MACF1: variants seen among roughly 807,000 people sequenced by gnomAD.
MACF1 encodes the protein microtubule-actin cross-linking factor 1.
MACF1 carries 193 observed loss-of-function variants against 854.8 expected under a neutral mutation model. The observed-to-expected ratio is 0.23, with a 90% CI of 0.20 to 0.25. MACF1 has a LOEUF of 0.25. MACF1 is among the 10% of genes least tolerant of loss of function. The probability of loss-of-function intolerance (pLI) is 1.00; values close to 1 mark genes in which losing one functional copy is unlikely to be tolerated. For missense variants in MACF1, 7,722 were observed against 8,929.1 expected (o/e 0.86, Z 5.45); for synonymous variants, 3,185 against 3,226.7 (o/e 0.99, Z 0.44).
At chr1:39,470,805 A>G (rs989334884) in intron 97 of MACF1, among the ~76,000 whole-genome samples, 1 of 152,136 alleles carries the variant, frequency 6.6e-6, no homozygotes, top group African/African-American at 2.4e-5. Flanking sequence ...ATAAGGTCCT[A>G]TTTTTCCTGT....
Position 39,378,547 on chromosome 1 carries a change from C to T in MACF1, c.13276+24C>T, listed in dbSNP as rs551123574. ...AGGTGAGAATGCCATTTCAACAGTG[C>T]TTCTTTGTTGGATGTGTTAGGACAG... On this transcript the variant is annotated intron_variant, in intron 53 of 100. Transcript: ENST00000564288. 1.9e-6 allele frequency: 3 copies of T among 1,608,096 alleles called. No homozygotes were observed. In the African/African-American group the frequency reaches 4.0e-5, roughly 21 times the overall value.
At chr1:39,106,209 T>G (rs7535282) in intron 2 of MACF1, among the ~76,000 whole-genome samples, 18,482 of 152,012 alleles carry the variant, frequency 0.12, 1,412 homozygotes, top group African/African-American at 0.21. Flanking sequence ...CACCTTGGTG[T>G]CTTCGGGGTG....
intron 2 of MACF1, among the ~76,000 whole-genome samples, chr1:39,090,448 C>T (rs983909254): frequency 3.3e-5 from 5 of 152,330 alleles, no homozygotes; most frequent in Non-Finnish European, 4.4e-5. Flanking sequence ...AACATGACCA[C>T]GTGGGCAGAA....
chr1:39,482,126 AT>A (rs1376304511), intron 99 of MACF1, among the ~76,000 whole-genome samples: 2 of 151,886 alleles, frequency 1.3e-5, no homozygotes, highest in Non-Finnish European at 2.9e-5. Context: ...TTAAGGTTTT[AT>A]TTTCTGTTTC....
intron 31 of MACF1, among the ~76,000 whole-genome samples, chr1:39,322,028 G>A (rs1018538308): frequency 1.3e-5 from 2 of 152,204 alleles, no homozygotes; most frequent in African/African-American, 4.8e-5. Context: ...AGCAGAACTT[G>A]CAGGGTTGCA....
At chr1:39,150,305 C>T (rs1332518506) in intron 2 of MACF1, among the ~76,000 whole-genome samples, 1 of 152,172 alleles carries the variant, frequency 6.6e-6, no homozygotes, top group African/African-American at 2.4e-5. Flanking sequence ...AGGTGTGAGC[C>T]ACCGTGCCTG....
At chr1:39,422,286 T>A in intron 58 of MACF1, 88 bp from the exon 59 acceptor site, 1 of 1,028,248 alleles carries the variant, frequency 9.7e-7, no homozygotes, top group South Asian at 1.8e-5. Context: ...CATTAAGTCA[T>A]AAATGCCCCA....
chr1:39,307,829 TC>T (rs1305541658), intron 23 of MACF1, among the ~76,000 whole-genome samples: 1 of 151,330 alleles, frequency 6.6e-6, no homozygotes, highest in Non-Finnish European at 1.5e-5. Context: ...GCCTTAGCCT[TC>T]CAAAGTGCTG....
intron 23 of MACF1, among the ~76,000 whole-genome samples, chr1:39,306,031 G>A (rs990926763): frequency 1.3e-5 from 2 of 152,060 alleles, no homozygotes; most frequent in East Asian, 3.9e-4. Context: ...GTTTACCTCT[G>A]TATCTTTAGC....
chr1:39,461,448 T>C (rs894801720), intron 92 of MACF1, among the ~76,000 whole-genome samples: 1 of 152,178 alleles, frequency 6.6e-6, no homozygotes, highest in Non-Finnish European at 1.5e-5. Context: ...TAAGTGGATA[T>C]GTATTATTTT....
chr1:39,359,164 G>T lies in MACF1; in HGVS notation c.12144G>T (p.Glu4048Asp). 3 of 1,614,030 alleles carry T rather than the reference G, an allele frequency of 1.9e-6. No individual in the cohort carries two copies. Among genetic ancestry groups the T allele is most frequent in the Non-Finnish European group, 2.5e-6 (3 of 1,180,020 alleles). Reference protein sequence around the residue: ...TTKQLQEELAEHQVPVEKLQK... With the variant: ...TTKQLQEELADHQVPVEKLQK... ...AGCAGTTGCAGGAGGAATTGGCTGA[G>T]CACCAAGTACCTGTGGAAAAACTCC... Residue 4048 changes from glutamate to aspartate, a missense_variant, in exon 47 of 101, where the codon GAG (glutamate) becomes GAT (aspartate). Glu to Asp is a conservative substitution (Grantham distance 45). This residue lies in a region of MACF1 where 2,807 missense variants were observed against 3,235.8 expected (regional missense o/e 0.87). Coordinates refer to ENST00000564288, the MANE Select transcript of MACF1 (RefSeq NM_001394062.1).
chr1:39,244,638 C>T (rs11806093), intron 2 of MACF1, among the ~76,000 whole-genome samples: 8,326 of 150,728 alleles, frequency 0.055, 296 homozygotes, highest in African/African-American at 0.097. Flanking sequence ...AGTGCAGTGG[C>T]GCCATCTTGG....
chr1:39,106,862 A>G (rs1013952001), intron 2 of MACF1, among the ~76,000 whole-genome samples: 4 of 147,454 alleles, frequency 2.7e-5, no homozygotes, highest in African/African-American at 1.0e-4. Context: ...GCAGGAAAAA[A>G]GTAGAGATGA....
At chr1:39,310,699 A>G (rs1352492015) in intron 25 of MACF1, 132 bp from the exon 26 acceptor site, 2 of 917,010 alleles carry the variant, frequency 2.2e-6, no homozygotes, top group South Asian at 3.5e-5. Context: ...AGTATACAGT[A>G]TGTGAAATTT....
At chr1:39,348,141 G>A (rs746990473) in intron 41 of MACF1, among the ~76,000 whole-genome samples, 12 of 152,140 alleles carry the variant, frequency 7.9e-5, no homozygotes, top group Non-Finnish European at 1.3e-4. Context: ...GGTGCCATAT[G>A]TCCTGTATTA....
intron 58 of MACF1, among the ~76,000 whole-genome samples, chr1:39,403,351 G>T (rs968007728): frequency 1.3e-5 from 2 of 152,018 alleles, no homozygotes; most frequent in African/African-American, 4.8e-5. Flanking sequence ...TGCCTGTCTC[G>T]GCCTCCCAAA....
chr1:39,310,242 T>C lies in MACF1; in HGVS notation c.2917-3T>C, dbSNP rs781652856. The C allele has an allele frequency of 2.5e-6, 4 of 1,600,338 alleles. No individual in the cohort carries two copies. The African/African-American group carries it at 5.4e-5, about 22-fold the overall frequency. On this transcript the variant is annotated splice_region_variant and splice_polypyrimidine_tract_variant and intron_variant, in intron 24 of 100. Transcript: ENST00000564288. The stretch of plus-strand genomic sequence containing the variant: ...GCAATTTCTTCTGGCTTTTTCTTTC[T>C]AGCTTCGATCCTCAGCACCAGGGGA...
chr1:39,477,700 G>A (rs953725186), intron 97 of MACF1, among the ~76,000 whole-genome samples: 2 of 152,114 alleles, frequency 1.3e-5, no homozygotes, highest in African/African-American at 4.8e-5. Context: ...GGGGGACAAA[G>A]AGGACAACTC....
chr1:39,276,668 A>G lies in MACF1; in HGVS notation c.529-5540A>G, dbSNP rs75742334. Among the ~76,000 whole-genome samples the G allele has an allele frequency of 2.3e-3, 354 of 152,216 alleles. 1 individual carries two copies. The highest frequency in any genetic ancestry group is 6.8e-3 in the Middle Eastern group (2 of 294). On this transcript the variant is annotated intron_variant, in intron 6 of 100. Coordinates refer to ENST00000564288, the MANE Select transcript of MACF1 (RefSeq NM_001394062.1). The stretch of plus-strand genomic sequence containing the variant: ...ATCCTCCAGCCCACAGTAATTTTCC[A>G]TTCTGCTGAGATTCTGTATTGGATA...
Sources: allele counts gnomAD v4.1 joint callset (sites outside exome capture counted in the v4.1 genomes callset), GRCh38; gene constraint gnomAD v4.1.1; regional missense constraint gnomAD v4.1.1; transcripts MANE v1.5; gene names NCBI Gene and HGNC (gene_info 2026-07-23, HGNC 2026-07-21).